Variants in CNTN5 observed in about 807,000 individuals in gnomAD.
CNTN5 encodes contactin-5.
In CNTN5, 77 loss-of-function variants were observed where a neutral mutation model predicts 129.1. The ratio of observed to expected loss-of-function variants is 0.60; its 90% CI spans 0.50 to 0.72. CNTN5 has a LOEUF of 0.72. CNTN5 is among the 30% of genes least tolerant of loss of function. The probability of loss-of-function intolerance (pLI) is 0.00; values close to 1 mark genes in which losing one functional copy is unlikely to be tolerated. For missense variants in CNTN5, 1,478 were observed against 1,328.8 expected, an observed-to-expected ratio of 1.11 and a Z score of -1.75; for synonymous variants, 509 against 465.6, an observed-to-expected ratio of 1.09 and a Z score of -1.20.
At chr11:99,163,518 A>T (rs1268307552) in intron 1 of CNTN5, among the ~76,000 whole-genome samples, 6 of 152,150 alleles carry the variant, frequency 3.9e-5, no homozygotes, top group African/African-American at 1.4e-4. Context: ...TACCAATATT[A>T]TCAGATCATT....
At chr11:100,003,035 T>C (rs963908052) in intron 9 of CNTN5, among the ~76,000 whole-genome samples, 10 of 152,044 alleles carry the variant, frequency 6.6e-5, no homozygotes, top group African/African-American at 2.4e-4. Flanking sequence ...GGTTTAGCCT[T>C]TGGGTAAGGA....
At chr11:99,958,652 A>G (rs1950863436) in intron 8 of CNTN5, among the ~76,000 whole-genome samples, 2 of 152,182 alleles carry the variant, frequency 1.3e-5, no homozygotes, top group African/African-American at 4.8e-5. Flanking sequence ...GTGTCTATAG[A>G]TGGAAAATAA....
intron 2 of CNTN5, among the ~76,000 whole-genome samples, chr11:99,462,360 C>CTTTTTTTTTTTTTTTTTTCTTTTTT (rs72276833): frequency 8.0e-6 from 1 of 125,282 alleles, no homozygotes; most frequent in Non-Finnish European, 1.7e-5. Context: ...CTTTTCTTTT[C>CTTTTTTTTTTTTTTTTTTCTTTTTT]TTTTTTTTTT....
chr11:99,346,468 C>T (rs143011703), intron 2 of CNTN5, among the ~76,000 whole-genome samples: 3 of 152,294 alleles, frequency 2.0e-5, no homozygotes, highest in South Asian at 2.1e-4. Flanking sequence ...ATGATTACTT[C>T]GCCATCCCTG....
intron 3 of CNTN5, among the ~76,000 whole-genome samples, chr11:99,806,126 A>G (rs999248165): frequency 6.6e-6 from 1 of 152,132 alleles, no homozygotes; most frequent in Non-Finnish European, 1.5e-5. Context: ...TTGCCTGCAG[A>G]TTTGACTTAA....
intron 9 of CNTN5, among the ~76,000 whole-genome samples, chr11:100,007,318 A>C (rs946189981): frequency 1.3e-5 from 2 of 152,098 alleles, no homozygotes; most frequent in Admixed American, 1.3e-4. Context: ...CTGTCCTTTG[A>C]AGTTTTGAAA....
intron 13 of CNTN5, among the ~76,000 whole-genome samples, chr11:100,186,944 G>A (rs1015859330): frequency 2.0e-5 from 3 of 152,110 alleles, no homozygotes; most frequent in Admixed American, 2.0e-4. Context: ...AAAAAAATGA[G>A]CTCAGCTGGT....
chr11:99,435,778 AGAAT>A (rs1943575097), intron 2 of CNTN5, among the ~76,000 whole-genome samples: 2 of 152,210 alleles, frequency 1.3e-5, no homozygotes, highest in African/African-American at 4.8e-5. Flanking sequence ...CATTTATTGG[AGAAT>A]CGTATACATA....
chr11:99,630,090 T>C (rs1951283530), intron 3 of CNTN5, among the ~76,000 whole-genome samples: 1 of 151,906 alleles, frequency 6.6e-6, no homozygotes, highest in Non-Finnish European at 1.5e-5. Context: ...GTGATTTAAA[T>C]GCCTATCAGT....
intron 3 of CNTN5, among the ~76,000 whole-genome samples, chr11:99,693,382 A>G (rs916910045): frequency 6.6e-6 from 1 of 152,114 alleles, no homozygotes; most frequent in African/African-American, 2.4e-5. Context: ...TTATAGAAAT[A>G]AATGTGAAAT....
At chr11:99,611,500 A>T (rs998898873) in intron 3 of CNTN5, among the ~76,000 whole-genome samples, 1 of 152,204 alleles carries the variant, frequency 6.6e-6, no homozygotes, top group Non-Finnish European at 1.5e-5. Context: ...AATAAGAGTC[A>T]GTTCAAATTC....
At chr11:99,980,115 G>A (rs11222154) in intron 8 of CNTN5, among the ~76,000 whole-genome samples, 10,629 of 152,172 alleles carry the variant, frequency 0.07, 752 homozygotes, top group East Asian at 0.31. Flanking sequence ...GTCATTTTAG[G>A]TATTAATTTC....
At chr11:100,028,608 G>A (rs1455261970) in intron 9 of CNTN5, among the ~76,000 whole-genome samples, 1 of 152,094 alleles carries the variant, frequency 6.6e-6, no homozygotes, top group Non-Finnish European at 1.5e-5. Flanking sequence ...CATTTCTCAA[G>A]CTTTCCTTAA....
At chr11:99,049,269 A>T (rs1864331342) in intron 1 of CNTN5, among the ~76,000 whole-genome samples, 1 of 152,204 alleles carries the variant, frequency 6.6e-6, no homozygotes, top group Non-Finnish European at 1.5e-5. Flanking sequence ...TAATTGTAGC[A>T]ATTGACTTAA....
chr11:99,371,322 T>C (rs956816110), intron 2 of CNTN5, among the ~76,000 whole-genome samples: 1 of 151,932 alleles, frequency 6.6e-6, no homozygotes, highest in Non-Finnish European at 1.5e-5. Context: ...ACATATACTA[T>C]ATATATGAAA....
At chr11:100,039,783 C>T (rs1027504863) in intron 9 of CNTN5, among the ~76,000 whole-genome samples, 18 of 152,318 alleles carry the variant, frequency 1.2e-4, no homozygotes, top group Admixed American at 6.5e-4. Context: ...CTTCTGCATT[C>T]GTCACGTAGC....
At chr11:99,319,492 G>A (rs1261305831) in intron 1 of CNTN5, among the ~76,000 whole-genome samples, 1 of 152,134 alleles carries the variant, frequency 6.6e-6, no homozygotes, top group Non-Finnish European at 1.5e-5. Flanking sequence ...TTATCACACA[G>A]CATTGGAATT....
At chr11:99,393,526 A>G (rs1239312391) in intron 2 of CNTN5, among the ~76,000 whole-genome samples, 1 of 151,826 alleles carries the variant, frequency 6.6e-6, no homozygotes, top group Non-Finnish European at 1.5e-5. Context: ...AGTTAGTCAA[A>G]GTCACACAGC....
intron 8 of CNTN5, among the ~76,000 whole-genome samples, chr11:99,972,088 A>T (rs1332665357): frequency 1.8e-4 from 10 of 56,504 alleles, no homozygotes; most frequent in African/African-American, 9.1e-4. Context: ...TCTCTATTAA[A>T]AAAAAAAAAA....
Sources: gnomAD v4.1 joint callset for allele counts (sites outside exome capture counted in the v4.1 genomes callset) on GRCh38, gnomAD v4.1.1 for gene constraint, MANE v1.5 for transcripts, NCBI Gene and HGNC (gene_info 2026-07-23, HGNC 2026-07-21) for gene names.